TENT4B: variants seen among roughly 807,000 people sequenced by gnomAD.
TENT4B encodes the protein PAP associated domain containing 5.
A neutral mutation model predicts 75.0 loss-of-function variants in TENT4B; 10 were observed. That is an observed-to-expected ratio of 0.13 (90% CI 0.08 to 0.23). The LOEUF (loss-of-function observed/expected upper bound fraction) is 0.23, where lower values mean the gene tolerates loss of function less well. Ranked by LOEUF, TENT4B falls within the 10% of genes least tolerant of loss-of-function variation. The probability of loss-of-function intolerance (pLI) is 1.00; values close to 1 mark genes in which losing one functional copy is unlikely to be tolerated. For missense variants in TENT4B, 579 were observed against 893.8 expected, an observed-to-expected ratio of 0.65 and a Z score of 4.49; for synonymous variants, 350 against 357.7, an observed-to-expected ratio of 0.98 and a Z score of 0.24.
At chr16:50,166,370 C>T (rs564915267) in intron 1 of TENT4B, among the ~76,000 whole-genome samples, 152 of 152,180 alleles carry the variant, frequency 1.0e-3, no homozygotes, top group Non-Finnish European at 1.7e-3. Flanking sequence ...CAGGCGTGAG[C>T]CACTGCACCC....
At chr16:50,193,630 G>A (rs902198901) in intron 1 of TENT4B, among the ~76,000 whole-genome samples, 1 of 152,048 alleles carries the variant, frequency 6.6e-6, no homozygotes, top group South Asian at 2.1e-4. Context: ...GAGTCACCGC[G>A]CCTGGCCAGG....
At chr16:50,214,819 T>C (rs2031465041) in intron 3 of TENT4B, among the ~76,000 whole-genome samples, 1 of 152,184 alleles carries the variant, frequency 6.6e-6, no homozygotes, top group South Asian at 2.1e-4. Flanking sequence ...TTTTAGAAAT[T>C]GACTGCCTGG....
rs779767372 is a variant in TENT4B, at chr16:50,153,935, C to A, written c.314C>A (p.Pro105His). ...CCCGCGGAGCAGCGGGACTTCCTGC[C>A]CCTAGAGACGACCAACAACAACAAC... ...ALPAEQRDFL[P>H]LETTNNNNNH... is the part of the protein sequence containing the mutation. Residue 105 changes from proline to histidine, a missense_variant, in exon 1 of 12, where the codon CCC becomes CAC. Physicochemically the swap from Pro to His is moderately conservative, Grantham distance 77 (BLOSUM62 -2). This residue lies in a region of TENT4B where 253 missense variants were observed against 270.1 expected (regional missense o/e 0.94). Coordinates refer to ENST00000561678, the MANE Select transcript of TENT4B (RefSeq NM_001365324.3). The A allele has an allele frequency of 6.5e-7, 1 of 1,533,398 alleles. No homozygotes were observed. Among genetic ancestry groups the A allele is most frequent in the Admixed American group, 2.0e-5 (1 of 50,874 alleles). 95.0% of individuals were successfully genotyped at this position (1,533,398 alleles called of 1,614,324 possible). A position where few individuals can be genotyped will look rare whatever the true frequency, so the allele number is the denominator to read the frequency against.
chr16:50,218,368 T>C (rs2031669913), intron 5 of TENT4B, among the ~76,000 whole-genome samples: 1 of 151,430 alleles, frequency 6.6e-6, no homozygotes, highest in South Asian at 2.1e-4. Context: ...GCAGAGTCTC[T>C]CTCTGTCACC....
In TENT4B at chr16:50,225,157, T is replaced by C. The variant is rs201012778; in HGVS notation, c.1672T>C (p.Ser558Pro). Residue 558 changes from serine (S) to proline (P), a missense_variant, in exon 10 of 12, where the codon TCT (serine) becomes CCT (proline). Coordinates refer to ENST00000561678, the MANE Select transcript of TENT4B (RefSeq NM_001365324.3). ...GTTAGATAAATGTAATAATAATCTA[T>C]CTGAAGAAAATGAAGCCCTTGGAAA... ...QQLDKCNNNL[S>P]EENEALGKCR... The C allele has an allele frequency of 4.6e-4, 742 of 1,613,306 alleles. 1 individual carries two copies. Among genetic ancestry groups the C allele is most frequent in the Non-Finnish European group, 4.7e-4 (549 of 1,179,362 alleles).
Position 50,228,042 on chromosome 16 carries a change from A to C in TENT4B, c.1965+39A>C, listed in dbSNP as rs372276714. The C allele has an allele frequency of 1.3e-5, 21 of 1,585,510 alleles. No individual in the cohort carries two copies. In the African/African-American group the frequency reaches 2.7e-4, roughly 20 times the overall value. On this transcript the variant is annotated intron_variant, in intron 11 of 11. Coordinates refer to ENST00000561678, the MANE Select transcript of TENT4B (RefSeq NM_001365324.3). ...GGGTTTTTAATTGTTAGTATTTGATACAAAATATTTAGAATTTCCCACATG... is the reference window on the plus strand; with the variant it reads ...GGGTTTTTAATTGTTAGTATTTGATCCAAAATATTTAGAATTTCCCACATG...
At chr16:50,155,220 A>G (rs1025221614) in intron 1 of TENT4B, among the ~76,000 whole-genome samples, 1 of 150,728 alleles carries the variant, frequency 6.6e-6, no homozygotes, top group East Asian at 1.9e-4. Context: ...CTGTGCTGGA[A>G]TAGGTCACTG....
At chr16:50,207,511 A>G (rs1366732613) in intron 1 of TENT4B, among the ~76,000 whole-genome samples, 6 of 152,166 alleles carry the variant, frequency 3.9e-5, no homozygotes. Flanking sequence ...AAAAACATTG[A>G]TATCCTAGAG....
intron 1 of TENT4B, among the ~76,000 whole-genome samples, chr16:50,204,043 C>T (rs933229640): frequency 6.6e-6 from 1 of 152,130 alleles, no homozygotes; most frequent in Non-Finnish European, 1.5e-5. Flanking sequence ...TGGTCCAGTT[C>T]TGTGGGGCTG....
Position 50,233,078 on chromosome 16 carries a change from A to G in TENT4B, c.*3750A>G, listed in dbSNP as rs1023721086. ...CACATTCTCAAAGTATTTTATGAGC[A>G]AAATATTCTATAAATGCGTCTAACA... On this transcript the variant is annotated 3_prime_UTR_variant, in exon 12 of 12. Coordinates refer to ENST00000561678, the MANE Select transcript of TENT4B (RefSeq NM_001365324.3). 43 of 984,540 alleles carry G rather than the reference A, an allele frequency of 4.4e-5. No homozygotes were observed. The highest frequency in any genetic ancestry group is 5.1e-5 in the Non-Finnish European group (42 of 829,178). 61.0% of individuals were successfully genotyped at this position (984,540 alleles called of 1,614,324 possible).
intron 1 of TENT4B, among the ~76,000 whole-genome samples, chr16:50,178,393 A>G (rs933415510): frequency 7.9e-5 from 12 of 151,922 alleles, no homozygotes; most frequent in Non-Finnish European, 1.6e-4. Flanking sequence ...TACATGAGCC[A>G]TGATCGCACC....
At chr16:50,173,653 A>G (rs1376269082) in intron 1 of TENT4B, among the ~76,000 whole-genome samples, 1 of 152,166 alleles carries the variant, frequency 6.6e-6, no homozygotes, top group African/African-American at 2.4e-5. Flanking sequence ...CTAATGACGT[A>G]TGATGTTGAG....
Position 50,229,824 on chromosome 16 carries a change from T to A in TENT4B, c.*496T>A. ...TTTGCATATATTTACCATTTTATTG[T>A]GTGTATATATAGAAGACCATATAGG... On this transcript the variant is annotated 3_prime_UTR_variant, in exon 12 of 12. Transcript: ENST00000561678. The A allele has an allele frequency of 2.2e-6, 2 of 927,658 alleles. No individual in the cohort carries two copies. The highest frequency in any genetic ancestry group is 2.6e-6 in the Non-Finnish European group (2 of 777,252). The allele number at this position is 927,658 out of a possible 1,614,324, so 57.5% of individuals were successfully genotyped here.
Position 50,185,225 on chromosome 16 carries a change from A to G in TENT4B, c.639-26098A>G, listed in dbSNP as rs567628269. Among the ~76,000 whole-genome samples the G allele has an allele frequency of 2.6e-5, 4 of 152,348 alleles. No homozygotes were observed. The South Asian group carries it at 8.3e-4, about 32-fold the overall frequency. On this transcript the variant is annotated intron_variant, in intron 1 of 11. Transcript: ENST00000561678. Reference sequence around the variant, plus strand: ...AGTAAGTAAATTATCAACCAATCTTACTGTGTATTACTAGCCTAGTAGGAA... The same window carrying G: ...AGTAAGTAAATTATCAACCAATCTTGCTGTGTATTACTAGCCTAGTAGGAA...
At chr16:50,212,755 G>T (rs1490324120) in intron 2 of TENT4B, among the ~76,000 whole-genome samples, 3 of 152,094 alleles carry the variant, frequency 2.0e-5, no homozygotes, top group Non-Finnish European at 2.9e-5. Flanking sequence ...AGACATATTT[G>T]ATTGTCCTGA....
intron 1 of TENT4B, among the ~76,000 whole-genome samples, chr16:50,161,956 T>C (rs2038011020): frequency 6.6e-6 from 1 of 152,192 alleles, no homozygotes; most frequent in Admixed American, 6.6e-5. Flanking sequence ...CTCCCTATGC[T>C]ACCACTTTAT....
chr16:50,233,070 T>C lies in TENT4B; in HGVS notation c.*3742T>C, dbSNP rs998190657. The C allele has an allele frequency of 2.0e-6, 2 of 984,882 alleles. No homozygotes were observed. The highest frequency in any genetic ancestry group is 2.4e-6 in the Non-Finnish European group (2 of 829,376). The allele number at this position is 984,882 out of a possible 1,614,324, so 61.0% of individuals were successfully genotyped here. On this transcript the variant is annotated 3_prime_UTR_variant, in exon 12 of 12. Transcript: ENST00000561678. ...TGGAAAGGCACATTCTCAAAGTATT[T>C]TATGAGCAAAATATTCTATAAATGC...
At chr16:50,205,851 A>G (rs2030935571) in intron 1 of TENT4B, among the ~76,000 whole-genome samples, 1 of 152,010 alleles carries the variant, frequency 6.6e-6, no homozygotes, top group South Asian at 2.1e-4. Flanking sequence ...TCAGCCTCCC[A>G]AAGTGCTGGG....
chr16:50,171,633 TTA>T, intron 1 of TENT4B, among the ~76,000 whole-genome samples: 1 of 152,324 alleles, frequency 6.6e-6, no homozygotes, highest in Non-Finnish European at 1.5e-5. Flanking sequence ...ATGGGTCCAC[TTA>T]TATGTGGATT....
Sources: allele counts gnomAD v4.1 joint callset (sites outside exome capture counted in the v4.1 genomes callset), GRCh38; gene constraint gnomAD v4.1.1; regional missense constraint gnomAD v4.1.1; transcripts MANE v1.5; gene names NCBI Gene and HGNC (gene_info 2026-07-23, HGNC 2026-07-21).